The following LRRC4C variants were observed in gnomAD, a reference collection of about 807,000 sequenced individuals.
The protein encoded by LRRC4C is leucine rich repeat containing 4C.
A neutral mutation model predicts 33.6 loss-of-function variants in LRRC4C; 5 were observed. The observed-to-expected ratio is 0.15, with a 90% CI of 0.08 to 0.31. LRRC4C has a LOEUF of 0.31. Ranked by LOEUF, LRRC4C falls within the 10% of genes least tolerant of loss-of-function variation. The pLI is 1.00. For synonymous variants in LRRC4C, 329 were observed against 302.0 expected, an observed-to-expected ratio of 1.09 and a Z score of -0.93; for missense variants, 560 against 796.7, an observed-to-expected ratio of 0.70 and a Z score of 3.58.
chr11:40,537,582 A>C (rs78083191), intron 3 of LRRC4C, among the ~76,000 whole-genome samples: 1 of 152,142 alleles, frequency 6.6e-6, no homozygotes, highest in Admixed American at 6.6e-5. Flanking sequence ...AACAACTCAC[A>C]ATAATTTAAA....
At chr11:40,613,480 C>A (rs76227979) in intron 3 of LRRC4C, among the ~76,000 whole-genome samples, 3,064 of 151,956 alleles carry the variant, frequency 0.02, 48 homozygotes, top group South Asian at 0.036. Flanking sequence ...ACTTCCAACT[C>A]TGGTTCTCCT....
At chr11:41,355,552 A>T (rs530275681) in intron 1 of LRRC4C, among the ~76,000 whole-genome samples, 1 of 152,122 alleles carries the variant, frequency 6.6e-6, no homozygotes, top group Non-Finnish European at 1.5e-5. Flanking sequence ...TCAAGAGGGC[A>T]TTCTCAGGGA....
chr11:40,633,373 C>CTTTCTTTCTT (rs759611504), intron 3 of LRRC4C, among the ~76,000 whole-genome samples: 13 of 36,106 alleles, frequency 3.6e-4, no homozygotes, highest in East Asian at 7.1e-4. Context: ...TTCTTTCTTT[C>CTTTCTTTCTT]TCTCTCTTTC....
At chr11:40,578,410 C>T (rs898200087) in intron 3 of LRRC4C, among the ~76,000 whole-genome samples, 1 of 151,916 alleles carries the variant, frequency 6.6e-6, no homozygotes, top group African/African-American at 2.4e-5. Flanking sequence ...TTAAACTCAA[C>T]TGCAAGTATT....
At chr11:40,309,251 G>GAT (rs776441500) in intron 4 of LRRC4C, among the ~76,000 whole-genome samples, 118 of 152,056 alleles carry the variant, frequency 7.8e-4, no homozygotes, top group Middle Eastern at 3.4e-3. Flanking sequence ...TATTCAAATT[G>GAT]ATATATATAT....
chr11:40,295,934 A>T (rs1188183233), intron 4 of LRRC4C, among the ~76,000 whole-genome samples: 1 of 152,346 alleles, frequency 6.6e-6, no homozygotes, highest in African/African-American at 2.4e-5. Flanking sequence ...TAAAAAGTAC[A>T]TTCACTAGCT....
At chr11:41,051,285 T>A (rs1858188148) in intron 1 of LRRC4C, among the ~76,000 whole-genome samples, 1 of 152,126 alleles carries the variant, frequency 6.6e-6, no homozygotes. Context: ...TCCTTGCATA[T>A]TTTAACTGCA....
intron 1 of LRRC4C, among the ~76,000 whole-genome samples, chr11:41,380,025 C>A (rs1252853181): frequency 6.6e-6 from 1 of 151,942 alleles, no homozygotes; most frequent in African/African-American, 2.4e-5. Flanking sequence ...AGATACCCAC[C>A]TCAGAAGATA....
intron 3 of LRRC4C, among the ~76,000 whole-genome samples, chr11:40,511,699 A>G (rs896495408): frequency 2.6e-5 from 4 of 152,182 alleles, no homozygotes; most frequent in African/African-American, 9.7e-5. Context: ...ACACTTAGTA[A>G]ATGATAAGTA....
intron 3 of LRRC4C, among the ~76,000 whole-genome samples, chr11:40,615,549 TAAAC>T (rs1325295758): frequency 1.3e-5 from 2 of 151,628 alleles, no homozygotes; most frequent in Non-Finnish European, 1.5e-5. Context: ...TTGATTAAAA[TAAAC>T]AAACCCTAAC....
chr11:41,214,774 TAC>T (rs1555112919), intron 1 of LRRC4C, among the ~76,000 whole-genome samples: 1 of 143,390 alleles, frequency 7.0e-6, no homozygotes, highest in Non-Finnish European at 1.5e-5. Context: ...TATATATATA[TAC>T]ACACATATAT....
chr11:40,172,948 A>C (rs374962001), intron 5 of LRRC4C, among the ~76,000 whole-genome samples: 6 of 152,316 alleles, frequency 3.9e-5, no homozygotes, highest in African/African-American at 1.4e-4. Context: ...AAGTGGAAAT[A>C]TGTACACAAA....
At position 40,596,814 on chromosome 11, in the gene LRRC4C, T is replaced by C. The variant is rs1565543061; in HGVS notation, c.-270+51328A>G. 2.0e-5 allele frequency among the ~76,000 whole-genome samples: 3 copies of C among 152,200 alleles called. 1 individual carries two copies. The East Asian group carries it at 5.8e-4, about 29-fold the overall frequency. On this transcript the variant is annotated intron_variant, in intron 3 of 6. Coordinates refer to ENST00000528697, the MANE Select transcript of LRRC4C (RefSeq NM_001258419.2). ...TTTCATTTTATATATTGCAGAGATGTCTGCATTCCCATGTTTATTACAACA... is the reference window on the plus strand; with the variant it reads ...TTTCATTTTATATATTGCAGAGATGCCTGCATTCCCATGTTTATTACAACA...
chr11:40,835,376 C>A (rs1198781433), intron 2 of LRRC4C, among the ~76,000 whole-genome samples: 1 of 152,144 alleles, frequency 6.6e-6, no homozygotes, highest in Non-Finnish European at 1.5e-5. Flanking sequence ...CATCTGCTCC[C>A]ATTTCTGTAC....
chr11:41,287,331 C>A (rs1380848945), intron 1 of LRRC4C, among the ~76,000 whole-genome samples: 2 of 152,084 alleles, frequency 1.3e-5, no homozygotes, highest in Non-Finnish European at 2.9e-5. Flanking sequence ...TCAAGTCAGA[C>A]CAGAACATAG....
At chr11:40,223,602 T>C (rs1376964294) in intron 5 of LRRC4C, among the ~76,000 whole-genome samples, 1 of 152,184 alleles carries the variant, frequency 6.6e-6, no homozygotes, top group Non-Finnish European at 1.5e-5. Context: ...GGGCTCAGAG[T>C]GTCTGTCCAG....
At chr11:40,600,692 A>C (rs982249485) in intron 3 of LRRC4C, among the ~76,000 whole-genome samples, 1 of 152,308 alleles carries the variant, frequency 6.6e-6, no homozygotes, top group South Asian at 2.1e-4. Context: ...ATCTATTTGT[A>C]TTCTCCAGGA....
chr11:41,223,946 A>C (rs1426563395), intron 1 of LRRC4C, among the ~76,000 whole-genome samples: 1 of 152,214 alleles, frequency 6.6e-6, no homozygotes, highest in African/African-American at 2.4e-5. Flanking sequence ...TCTGGAGGCC[A>C]GTGCTTGATT....
chr11:41,455,609 A>T (rs974557019), intron 1 of LRRC4C, among the ~76,000 whole-genome samples: 6 of 152,158 alleles, frequency 3.9e-5, no homozygotes, highest in Non-Finnish European at 7.4e-5. Flanking sequence ...TCTGCTTAAC[A>T]CTTTAACTTG....
Sources: allele counts gnomAD v4.1 joint callset (sites outside exome capture counted in the v4.1 genomes callset), GRCh38; gene constraint gnomAD v4.1.1; transcripts MANE v1.5; gene names NCBI Gene and HGNC (gene_info 2026-07-23, HGNC 2026-07-21).